The following FGF14 variants were observed in gnomAD, a reference collection of about 807,000 sequenced individuals.
FGF14 encodes the protein fibroblast growth factor homologous factor 4.
In FGF14, 5 loss-of-function variants were observed where a neutral mutation model predicts 25.5. The ratio of observed to expected loss-of-function variants is 0.20; its 90% CI spans 0.10 to 0.41. The LOEUF is 0.41. Among genes scored for constraint, FGF14 ranks in the 10% least tolerant of loss-of-function variants. The pLI is 1.00. For missense variants in FGF14, 222 were observed against 320.1 expected (o/e 0.69, Z 2.34); for synonymous variants, 138 against 118.3 (o/e 1.17, Z -1.08).
In FGF14 at chr13:101,752,698, AG is replaced by A. The variant is rs536667037; in HGVS notation, c.409-25889del. On this transcript the variant is annotated intron_variant, in intron 3 of 4. Transcript: ENST00000376143. ...TTAGATCAGTGCCTCTGAGTTCATC[AG>A]GAACTCATGTTCTCTCTATTTTTTC... Among the ~76,000 whole-genome samples, 9 of 152,304 alleles carry A rather than the reference AG, an allele frequency of 5.9e-5. No homozygotes were observed. The South Asian group carries it at 8.3e-4, about 14-fold the overall frequency.
chr13:102,107,857 T>C (rs1263678865), intron 1 of FGF14, among the ~76,000 whole-genome samples: 1 of 152,210 alleles, frequency 6.6e-6, no homozygotes, highest in Non-Finnish European at 1.5e-5. Flanking sequence ...GACTCTATCA[T>C]AGGCGTGCTG....
chr13:102,107,105 T>C (rs2044960628), intron 1 of FGF14, among the ~76,000 whole-genome samples: 1 of 152,216 alleles, frequency 6.6e-6, no homozygotes, highest in Non-Finnish European at 1.5e-5. Context: ...CTAGCCATAT[T>C]TTATATGAGA....
At chr13:102,040,821 A>C (rs2041696519) in intron 1 of FGF14, among the ~76,000 whole-genome samples, 1 of 152,116 alleles carries the variant, frequency 6.6e-6, no homozygotes, top group Non-Finnish European at 1.5e-5. Context: ...TGTTGGGTCC[A>C]GTGGTTCTCT....
At chr13:102,150,386 A>T (rs2047032253) in intron 1 of FGF14, among the ~76,000 whole-genome samples, 1 of 152,136 alleles carries the variant, frequency 6.6e-6, no homozygotes, top group South Asian at 2.1e-4. Flanking sequence ...TAAGAGTTTA[A>T]TATAAAAGAC....
chr13:101,726,516 T>C lies in FGF14; in HGVS notation c.607+96A>G, dbSNP rs553369276. On this transcript the variant is annotated intron_variant, in intron 4 of 4. Coordinates refer to ENST00000376143, the MANE Select transcript of FGF14 (RefSeq NM_004115.4). ...TCAAAATAAATGACATTTCCAGCAC[T>C]TTGTGAAGGTTTCTTAGAGCCATGG... 1.1e-4 allele frequency: 134 copies of C among 1,171,396 alleles called. 1 individual carries two copies. Among genetic ancestry groups the C allele is most frequent in the Non-Finnish European group, 1.4e-4 (111 of 794,102 alleles). 72.6% of individuals were successfully genotyped at this position (1,171,396 alleles called of 1,614,324 possible). A position where few individuals can be genotyped will look rare whatever the true frequency, so the allele number is the denominator to read the frequency against.
At chr13:101,792,428 T>C (rs1271203613) in intron 3 of FGF14, among the ~76,000 whole-genome samples, 1 of 152,032 alleles carries the variant, frequency 6.6e-6, no homozygotes, top group Non-Finnish European at 1.5e-5. Context: ...TCACTGCCTA[T>C]CTTGAGGGTA....
chr13:102,040,883 A>T (rs75735680), intron 1 of FGF14, among the ~76,000 whole-genome samples: 4,030 of 152,164 alleles, frequency 0.026, 195 homozygotes, highest in African/African-American at 0.092. Flanking sequence ...AGATGCTTGG[A>T]TCCTCATTAA....
At chr13:102,267,786 G>A (rs913030808) in intron 1 of FGF14, among the ~76,000 whole-genome samples, 8 of 152,066 alleles carry the variant, frequency 5.3e-5, no homozygotes, top group East Asian at 1.9e-4. Flanking sequence ...ACTAAAATTT[G>A]GGGGTAAAAG....
chr13:102,301,241 A>G (rs564534709), intron 1 of FGF14, among the ~76,000 whole-genome samples: 6 of 152,338 alleles, frequency 3.9e-5, no homozygotes, highest in African/African-American at 9.6e-5. Context: ...CCTTGCTGAT[A>G]TATCTATAAT....
intron 1 of FGF14, chr13:102,046,002 G>T (rs1485965755): frequency 1.3e-5 from 2 of 154,318 alleles, no homozygotes; most frequent in Non-Finnish European, 2.9e-5. Context: ...TTGATCTTGT[G>T]AGGGTTAGAG....
intron 1 of FGF14, among the ~76,000 whole-genome samples, chr13:101,876,627 C>G (rs2045410047): frequency 6.6e-6 from 1 of 152,126 alleles, no homozygotes; most frequent in Admixed American, 6.6e-5. Context: ...AATGCACGAA[C>G]AGCAGATCAT....
At chr13:102,071,767 C>A (rs1231494744) in intron 1 of FGF14, among the ~76,000 whole-genome samples, 2 of 151,994 alleles carry the variant, frequency 1.3e-5, no homozygotes, top group East Asian at 1.9e-4. Flanking sequence ...GATATAGTGG[C>A]AGTTGTTTCT....
rs924917489 is a variant in FGF14 at position 102,278,170 on chromosome 13, T to C, written c.208+123301A>G. On this transcript the variant is annotated intron_variant, in intron 1 of 4. Coordinates refer to the FGF14 transcript ENST00000376131. ...AAAATCCTTTAGATGATCCCACTCA[T>C]ATCCATAGCCCATTAAAAGAGGCAA... 2.6e-5 allele frequency among the ~76,000 whole-genome samples: 4 copies of C among 152,334 alleles called. 1 individual carries two copies.
chr13:102,340,076 A>G (rs2056903146), intron 1 of FGF14, among the ~76,000 whole-genome samples: 1 of 152,194 alleles, frequency 6.6e-6, no homozygotes, highest in Admixed American at 6.6e-5. Flanking sequence ...TTATTTTTGA[A>G]AAGAAAGAAA....
chr13:101,818,692 T>C (rs1360309346), intron 3 of FGF14, among the ~76,000 whole-genome samples: 1 of 152,194 alleles, frequency 6.6e-6, no homozygotes, highest in Non-Finnish European at 1.5e-5. Flanking sequence ...CAATAAATTA[T>C]CTTTCTAATG....
chr13:102,022,925 T>TAAA (rs2040736088), intron 1 of FGF14, among the ~76,000 whole-genome samples: 2 of 152,032 alleles, frequency 1.3e-5, no homozygotes, highest in Admixed American at 1.3e-4. Context: ...AGGAAGCACC[T>TAAA]TGTGTGAAGC....
intron 1 of FGF14, among the ~76,000 whole-genome samples, chr13:102,067,466 C>T (rs77361236): frequency 0.022 from 3,336 of 151,758 alleles, 148 homozygotes; most frequent in African/African-American, 0.076. Flanking sequence ...TTTCTCAACT[C>T]CTAATTGGGT....
intron 1 of FGF14, among the ~76,000 whole-genome samples, chr13:102,243,675 T>C (rs1189913198): frequency 7.4e-6 from 1 of 135,230 alleles, no homozygotes; most frequent in Non-Finnish European, 1.6e-5. Flanking sequence ...TTTTTTTACA[T>C]TTCTCTGGCC....
chr13:101,719,006 G>T lies in FGF14; in HGVS notation c.*3825C>A. On this transcript the variant is annotated 3_prime_UTR_variant, in exon 5 of 5. Coordinates refer to ENST00000376143, the MANE Select transcript of FGF14 (RefSeq NM_004115.4). ...AAAAAATTGAGGATTTAGCCCAGTCGCTTTCCCTTGATATAGCCTTGTTCT... is the reference window on the plus strand; with the variant it reads ...AAAAAATTGAGGATTTAGCCCAGTCTCTTTCCCTTGATATAGCCTTGTTCT... The T allele has an allele frequency of 6.6e-6, 1 of 152,074 alleles. No individual in the cohort carries two copies. The highest frequency in any genetic ancestry group is 1.9e-4 in the East Asian group (1 of 5,148). 9.4% of individuals were successfully genotyped at this position (152,074 alleles called of 1,614,324 possible).
Sources: gnomAD v4.1 joint callset for allele counts (sites outside exome capture counted in the v4.1 genomes callset) on GRCh38, gnomAD v4.1.1 for gene constraint, MANE v1.5 for transcripts, NCBI Gene and HGNC (gene_info 2026-07-23, HGNC 2026-07-21) for gene names.